The following EYS variants were observed in gnomAD, a reference collection of about 807,000 sequenced individuals.
The protein encoded by EYS is protein eyes shut homolog.
A neutral mutation model predicts 282.1 loss-of-function variants in EYS; 250 were observed. That is an observed-to-expected ratio of 0.89 (90% CI 0.80 to 0.98). The LOEUF is 0.98. Among genes scored for constraint, EYS ranks in the 50% least tolerant of loss-of-function variants. The probability of loss-of-function intolerance (pLI) is 0.00; values close to 1 mark genes in which losing one functional copy is unlikely to be tolerated. For missense variants in EYS, 4,016 were observed against 3,709.0 expected (o/e 1.08, Z -2.15); for synonymous variants, 1,355 against 1,282.9 (o/e 1.06, Z -1.20).
At chr6:65,077,755 T>C (rs1324774027) in intron 12 of EYS, among the ~76,000 whole-genome samples, 1 of 152,052 alleles carries the variant, frequency 6.6e-6, no homozygotes, top group Non-Finnish European at 1.5e-5. Context: ...AGTCAAAAAA[T>C]CATGGCAATT....
At chr6:64,410,436 C>T (rs1187049856) in intron 28 of EYS, among the ~76,000 whole-genome samples, 1 of 152,018 alleles carries the variant, frequency 6.6e-6, no homozygotes, top group Non-Finnish European at 1.5e-5. Context: ...GTCCAATGAG[C>T]CTTTTACTTC....
At chr6:65,437,643 T>C (rs561700326) in intron 5 of EYS, among the ~76,000 whole-genome samples, 5 of 152,294 alleles carry the variant, frequency 3.3e-5, no homozygotes, top group African/African-American at 4.8e-5. Flanking sequence ...AAGAACTGTA[T>C]AGAAGAATCT....
intron 41 of EYS, among the ~76,000 whole-genome samples, chr6:63,760,961 G>A (rs1460185009): frequency 2.6e-5 from 4 of 151,478 alleles, no homozygotes; most frequent in Non-Finnish European, 5.9e-5. Context: ...TAATTTTTGA[G>A]TACTCTGCCT....
chr6:65,328,705 A>G (rs528509254), intron 11 of EYS, among the ~76,000 whole-genome samples: 7 of 150,970 alleles, frequency 4.6e-5, no homozygotes, highest in Non-Finnish European at 4.5e-5. Flanking sequence ...GTAAAATTCT[A>G]TAAGTTAAAA....
intron 33 of EYS, among the ~76,000 whole-genome samples, chr6:64,028,848 G>A (rs1232880267): frequency 6.6e-6 from 1 of 152,160 alleles, no homozygotes; most frequent in Admixed American, 6.5e-5. Flanking sequence ...AGGGTACAAG[G>A]TGTCTAGGTC....
intron 12 of EYS, among the ~76,000 whole-genome samples, chr6:65,187,239 G>C (rs907146187): frequency 2.6e-5 from 4 of 151,542 alleles, no homozygotes; most frequent in African/African-American, 9.7e-5. Flanking sequence ...TTTATATTTT[G>C]AGTAAATTTT....
chr6:65,098,633 A>C (rs1374880334), intron 12 of EYS, among the ~76,000 whole-genome samples: 1 of 150,852 alleles, frequency 6.6e-6, no homozygotes, highest in Non-Finnish European at 1.5e-5. Context: ...ACTCCCAAGA[A>C]GCCAAATACA....
At chr6:64,380,425 CA>C (rs1392800035) in intron 29 of EYS, among the ~76,000 whole-genome samples, 1 of 152,090 alleles carries the variant, frequency 6.6e-6, no homozygotes, top group Non-Finnish European at 1.5e-5. Context: ...ACATTTTTCA[CA>C]GAAAAATAAG....
chr6:65,115,173 TATC>T lies in EYS; in HGVS notation c.2024-57449_2024-57447del, dbSNP rs746425347. ...TGCACAGTTATCAGGCTGATCAAAA[TATC>T]ATGAAATGTGGCTGAAAAGCTCTTA... is the stretch of plus-strand genomic sequence containing the variant. On this transcript the variant is annotated intron_variant, in intron 12 of 42. Coordinates refer to ENST00000503581, the MANE Select transcript of EYS (RefSeq NM_001142800.2). Among the ~76,000 whole-genome samples, 32 of 152,214 alleles carry T rather than the reference TATC, an allele frequency of 2.1e-4. 1 individual carries two copies. The South Asian group carries it at 3.1e-3, about 15-fold the overall frequency.
At chr6:65,014,350 G>C (rs1771976834) in intron 13 of EYS, among the ~76,000 whole-genome samples, 2 of 152,180 alleles carry the variant, frequency 1.3e-5, no homozygotes, top group South Asian at 4.1e-4. Flanking sequence ...TGCAGAAATT[G>C]TAAAATAAAA....
chr6:64,487,206 GAA>G (rs1404500862), intron 26 of EYS, among the ~76,000 whole-genome samples: 1 of 150,930 alleles, frequency 6.6e-6, no homozygotes, highest in Non-Finnish European at 1.5e-5. Flanking sequence ...TAACATTTTT[GAA>G]GAAAATCTTA....
At chr6:65,263,079 G>A (rs776467359) in intron 12 of EYS, among the ~76,000 whole-genome samples, 2 of 152,094 alleles carry the variant, frequency 1.3e-5, no homozygotes, top group Non-Finnish European at 2.9e-5. Flanking sequence ...AGTGACAAAC[G>A]CCTATAATCC....
chr6:64,567,808 A>T (rs1321606815), intron 26 of EYS, among the ~76,000 whole-genome samples: 5 of 152,256 alleles, frequency 3.3e-5, no homozygotes, highest in Non-Finnish European at 7.3e-5. Context: ...TTCCTTTTCC[A>T]GCCATAATGT....
At chr6:63,800,524 G>T (rs1434987217) in intron 37 of EYS, among the ~76,000 whole-genome samples, 1 of 152,218 alleles carries the variant, frequency 6.6e-6, no homozygotes, top group African/African-American at 2.4e-5. Flanking sequence ...AAGAGGCTGG[G>T]CGCGGAGTGG....
chr6:64,815,933 C>T (rs1026445040), intron 21 of EYS, among the ~76,000 whole-genome samples: 1 of 152,098 alleles, frequency 6.6e-6, no homozygotes, highest in Non-Finnish European at 1.5e-5. Context: ...TGACAGTTAT[C>T]TCACTGACTC....
At chr6:63,845,799 C>A (rs1772083324) in intron 36 of EYS, among the ~76,000 whole-genome samples, 1 of 152,104 alleles carries the variant, frequency 6.6e-6, no homozygotes. Context: ...TTTGAATAAC[C>A]AAAAGAGCTT....
At chr6:64,828,862 T>C (rs1423490307) in intron 19 of EYS, among the ~76,000 whole-genome samples, 3 of 151,834 alleles carry the variant, frequency 2.0e-5, no homozygotes, top group African/African-American at 4.8e-5. Context: ...AAGTCTGAGG[T>C]TGGTTCATGG....
chr6:65,656,125 T>C (rs564502457), intron 1 of EYS, among the ~76,000 whole-genome samples: 1 of 151,946 alleles, frequency 6.6e-6, no homozygotes, highest in South Asian at 2.1e-4. Flanking sequence ...TCAACAAATG[T>C]ATGTATTCTG....
intron 31 of EYS, among the ~76,000 whole-genome samples, chr6:64,197,052 A>G (rs1433098577): frequency 6.6e-6 from 1 of 151,946 alleles, no homozygotes; most frequent in Non-Finnish European, 1.5e-5. Flanking sequence ...TGTAAAAGTA[A>G]TTTCCAAAGA....
Sources: allele counts gnomAD v4.1 joint callset (sites outside exome capture counted in the v4.1 genomes callset), GRCh38; gene constraint gnomAD v4.1.1; transcripts MANE v1.5; gene names NCBI Gene and HGNC (gene_info 2026-07-23, HGNC 2026-07-21).